TMPRSS9: variants seen among roughly 807,000 people sequenced by gnomAD.
The protein encoded by TMPRSS9 is transmembrane serine protease 9.
In TMPRSS9, 113 loss-of-function variants were observed where a neutral mutation model predicts 111.4. That is an observed-to-expected ratio of 1.01 (90% CI 0.87 to 1.19). TMPRSS9 has a LOEUF of 1.19. Ranked by LOEUF, TMPRSS9 falls within the 50% of genes most tolerant of loss-of-function variation. TMPRSS9 has a pLI of 0.00. For missense variants in TMPRSS9, 1,803 were observed against 1,513.1 expected, an observed-to-expected ratio of 1.19 and a Z score of -3.18; for synonymous variants, 805 against 659.1, an observed-to-expected ratio of 1.22 and a Z score of -3.39.
At chr19:2,425,806 G>C (rs1182360596) in intron 17 of TMPRSS9, 121 bp from the exon 19 acceptor site, 13 of 1,374,728 alleles carry the variant, frequency 9.5e-6, no homozygotes, top group Non-Finnish European at 1.3e-5. Flanking sequence ...CCATTTTCCA[G>C]ATAGTGAAAA....
chr19:2,368,194 G>A (rs1015831789), intron 1 of TMPRSS9, among the ~76,000 whole-genome samples: 3 of 152,088 alleles, frequency 2.0e-5, no homozygotes, highest in Non-Finnish European at 2.9e-5. Context: ...TGGCGGCTGC[G>A]TTTTTCCTGG....
rs558773393 is a variant in TMPRSS9 at position 2,392,138 on chromosome 19, C to T, written c.142+2211C>T. Among the ~76,000 whole-genome samples, 23 of 152,160 alleles carry T rather than the reference C, an allele frequency of 1.5e-4. No homozygotes were observed. In the East Asian group the frequency reaches 4.5e-3, roughly 30 times the overall value. On this transcript the variant is annotated intron_variant, in intron 1 of 17. Coordinates refer to ENST00000648592, the Ensembl canonical transcript of TMPRSS9. ...CTGAGGCAGGAGGATTGCTTGAGCT[C>T]AGGAGTTCGAGACCAACCTAGGCAA...
chr19:2,396,993 T>A (rs1002665109), intron 2 of TMPRSS9, among the ~76,000 whole-genome samples: 6 of 151,862 alleles, frequency 4.0e-5, no homozygotes, highest in Admixed American at 3.3e-4. Context: ...TGATCTCGGC[T>A]CACTGCAAGC....
intron 1 of TMPRSS9, among the ~76,000 whole-genome samples, chr19:2,360,698 T>C (rs1284663981): frequency 3.7e-5 from 5 of 134,392 alleles, no homozygotes. Flanking sequence ...GACGCAGGTG[T>C]GGTGTGTAGA....
chr19:2,412,188 G>C (rs1971110402), intron 9 of TMPRSS9, among the ~76,000 whole-genome samples: 1 of 152,042 alleles, frequency 6.6e-6, no homozygotes, highest in African/African-American at 2.4e-5. Flanking sequence ...GAGGCCAGGA[G>C]TTTGAGACCA....
At chr19:2,364,263 T>C (rs948314024) in intron 1 of TMPRSS9, among the ~76,000 whole-genome samples, 1 of 152,210 alleles carries the variant, frequency 6.6e-6, no homozygotes, top group African/African-American at 2.4e-5. Context: ...AGAATGAAGC[T>C]GAGGCGAACC....
At chr19:2,424,140 C>A (rs764762215) in exon 15 of TMPRSS9, 1 of 1,422,294 alleles carries the variant, frequency 7.0e-7, no homozygotes, top group African/African-American at 1.5e-5. Context: ...GGCAGCGCAG[C>A]GGGCCGTGGG....
upstream of TMPRSS9, among the ~76,000 whole-genome samples, chr19:2,387,663 T>G (rs112732053): frequency 2.0e-5 from 3 of 152,058 alleles, no homozygotes; most frequent in Admixed American, 6.6e-5. Flanking sequence ...GAGGATCACT[T>G]AAGCCCGGAA....
At chr19:2,362,578 GTGTT>G (rs1970209446) in intron 1 of TMPRSS9, among the ~76,000 whole-genome samples, 1 of 152,060 alleles carries the variant, frequency 6.6e-6, no homozygotes, top group South Asian at 2.1e-4. Flanking sequence ...TTGTATAATT[GTGTT>G]TGTGTGTGAT....
exon 15 of TMPRSS9, chr19:2,424,203 G>T (rs757966381): frequency 1.4e-6 from 2 of 1,452,220 alleles, no homozygotes; most frequent in African/African-American, 1.5e-5. Context: ...CACCGTTGCG[G>T]GGCCGTGCTG....
upstream of TMPRSS9, among the ~76,000 whole-genome samples, chr19:2,385,213 G>C (rs1207999647): frequency 9.4e-6 from 1 of 106,478 alleles, no homozygotes; most frequent in South Asian, 3.2e-4. Context: ...AGGGGGCGGG[G>C]CTCGAGGGGG....
chr19:2,394,324 C>G (rs12972198), intron 1 of TMPRSS9, among the ~76,000 whole-genome samples: 54,463 of 151,764 alleles, frequency 0.36, 10,350 homozygotes, highest in East Asian at 0.62. Context: ...GAGGTCGAGG[C>G]TGCAGTGAGC....
chr19:2,398,658 T>C, intron 2 of TMPRSS9, 137 bp from the exon 4 acceptor site: 2 of 425,326 alleles, frequency 4.7e-6, no homozygotes, highest in Non-Finnish European at 8.2e-6. Flanking sequence ...TAGATAAAAA[T>C]TTAAAATAAT....
At chr19:2,423,326 AGCGGCT>A (rs1005707829) in intron 14 of TMPRSS9, among the ~76,000 whole-genome samples, 1 of 151,876 alleles carries the variant, frequency 6.6e-6, no homozygotes, top group African/African-American at 2.4e-5. Flanking sequence ...TCCCAAGGAC[AGCGGCT>A]GCGGCTGCTG....
intron 1 of TMPRSS9, among the ~76,000 whole-genome samples, chr19:2,383,096 G>A (rs1012431030): frequency 1.2e-4 from 18 of 152,182 alleles, no homozygotes; most frequent in African/African-American, 4.3e-4. Context: ...GCTCACGCCT[G>A]TAATCTCAGC....
At chr19:2,414,777 G>T (rs1971184449) in intron 10 of TMPRSS9, among the ~76,000 whole-genome samples, 1 of 150,770 alleles carries the variant, frequency 6.6e-6, no homozygotes, top group Non-Finnish European at 1.5e-5. Context: ...TGAGGCAGGA[G>T]AATCGCTTGA....
At chr19:2,361,614 C>A (rs761450421) in intron 1 of TMPRSS9, among the ~76,000 whole-genome samples, 1 of 152,136 alleles carries the variant, frequency 6.6e-6, no homozygotes, top group Non-Finnish European at 1.5e-5. Flanking sequence ...GCGTTATCCC[C>A]GCATGACCGG....
chr19:2,411,938 G>A (rs901828822), intron 9 of TMPRSS9, among the ~76,000 whole-genome samples: 2 of 152,052 alleles, frequency 1.3e-5, no homozygotes, highest in African/African-American at 4.8e-5. Context: ...TTCTTGTTTC[G>A]TGGATACCAT....
chr19:2,375,500 C>T (rs1026375687), intron 1 of TMPRSS9, among the ~76,000 whole-genome samples: 1 of 147,544 alleles, frequency 6.8e-6, no homozygotes, highest in Non-Finnish European at 1.5e-5. Flanking sequence ...GGGGTGGGAA[C>T]TGTGATTGGC....
Sources: allele counts gnomAD v4.1 joint callset (sites outside exome capture counted in the v4.1 genomes callset), GRCh38; gene constraint gnomAD v4.1.1; transcripts MANE v1.5; gene names NCBI Gene and HGNC (gene_info 2026-07-23, HGNC 2026-07-21).